Variants in L3MBTL4 observed in about 807,000 individuals in gnomAD.
L3MBTL4 encodes lethal(3)malignant brain tumor-like protein 4.
L3MBTL4 carries 70 observed loss-of-function variants against 84.5 expected under a neutral mutation model. The observed-to-expected ratio is 0.83, with a 90% CI of 0.68 to 1.01. L3MBTL4 has a LOEUF of 1.01. Ranked by LOEUF, L3MBTL4 falls within the 50% of genes least tolerant of loss-of-function variation. The pLI, the probability that L3MBTL4 is intolerant of heterozygous loss-of-function variation, is 0.00. For synonymous variants in L3MBTL4, 274 were observed against 259.8 expected (o/e 1.05, Z -0.52); for missense variants, 715 against 754.8 (o/e 0.95, Z 0.62).
At chr18:6,384,160 C>T (rs1013300176) in intron 1 of L3MBTL4, among the ~76,000 whole-genome samples, 4 of 152,138 alleles carry the variant, frequency 2.6e-5, no homozygotes, top group Admixed American at 6.6e-5. Context: ...CACTGCTGCC[C>T]TACTGTGCAG....
chr18:6,302,042 G>T, intron 3 of L3MBTL4, 85 bp from the exon 4 acceptor site: 1 of 1,111,600 alleles, frequency 9.0e-7, no homozygotes, highest in Non-Finnish European at 1.4e-6. Context: ...TTGCAGGAAG[G>T]AAAGTTATGA....
intron 4 of L3MBTL4, among the ~76,000 whole-genome samples, chr18:6,295,346 C>CTCTCTCTCTCTCTCTATATATATATA (rs1261475809): frequency 4.9e-5 from 4 of 81,378 alleles, no homozygotes; most frequent in African/African-American, 2.7e-4. Context: ...CTCTCTCTCT[C>CTCTCTCTCTCTCTCTATATATATATA]TATATATATA....
At chr18:6,328,716 C>T (rs1057333456) in intron 1 of L3MBTL4, among the ~76,000 whole-genome samples, 3 of 151,978 alleles carry the variant, frequency 2.0e-5, no homozygotes, top group Non-Finnish European at 2.9e-5. Flanking sequence ...AAACTAGTAC[C>T]ACGGAAACTT....
intron 13 of L3MBTL4, among the ~76,000 whole-genome samples, chr18:6,138,891 A>C (rs1043191230): frequency 2.0e-5 from 3 of 152,216 alleles, no homozygotes; most frequent in Non-Finnish European, 4.4e-5. Flanking sequence ...GAGATTAATA[A>C]TGGCAAAGAC....
intron 14 of L3MBTL4, among the ~76,000 whole-genome samples, chr18:6,102,973 C>G (rs1370219991): frequency 6.6e-6 from 1 of 152,158 alleles, no homozygotes; most frequent in Non-Finnish European, 1.5e-5. Context: ...TACCCTTCCT[C>G]TAGAATATCT....
chr18:6,224,951 A>G (rs966879748), intron 10 of L3MBTL4, among the ~76,000 whole-genome samples: 1 of 152,194 alleles, frequency 6.6e-6, no homozygotes, highest in Non-Finnish European at 1.5e-5. Context: ...CAAGGAAAAC[A>G]TAAAGTGAGG....
chr18:6,239,277 C>T (rs1216371837), intron 9 of L3MBTL4, among the ~76,000 whole-genome samples: 2 of 144,694 alleles, frequency 1.4e-5, no homozygotes, highest in South Asian at 2.2e-4. Flanking sequence ...GGAGGCGAAG[C>T]TTGCAGTGAG....
chr18:6,145,803 C>A (rs1342458956), intron 13 of L3MBTL4, among the ~76,000 whole-genome samples: 1 of 152,122 alleles, frequency 6.6e-6, no homozygotes, highest in Admixed American at 6.5e-5. Flanking sequence ...CGCTGCTGTT[C>A]CCTTTGCTAG....
At chr18:6,221,915 T>C (rs553536861) in intron 10 of L3MBTL4, among the ~76,000 whole-genome samples, 201 of 152,278 alleles carry the variant, frequency 1.3e-3, no homozygotes, top group African/African-American at 4.8e-3. Flanking sequence ...GTTCTGCACA[T>C]ACAGAAGGGC....
chr18:6,230,110 G>A (rs758255058), intron 10 of L3MBTL4, among the ~76,000 whole-genome samples: 7 of 152,074 alleles, frequency 4.6e-5, no homozygotes, highest in Non-Finnish European at 7.4e-5. Context: ...AGGCATACAT[G>A]TGCAGGTTTG....
chr18:6,218,162 C>T (rs139057123), intron 10 of L3MBTL4, among the ~76,000 whole-genome samples: 40 of 152,210 alleles, frequency 2.6e-4, no homozygotes, highest in African/African-American at 9.4e-4. Context: ...GGCTGGAATG[C>T]GGTGGCTCTT....
chr18:6,199,454 C>T (rs535094326), intron 12 of L3MBTL4, among the ~76,000 whole-genome samples: 21 of 152,312 alleles, frequency 1.4e-4, no homozygotes, highest in South Asian at 1.0e-3. Context: ...CAGAGAGATG[C>T]CATGTCCGTC....
chr18:6,171,457 CTT>C (rs1255494720), intron 13 of L3MBTL4, among the ~76,000 whole-genome samples: 1 of 151,948 alleles, frequency 6.6e-6, no homozygotes. Flanking sequence ...TTCCAAAAGA[CTT>C]TGTGTAGTCT....
chr18:6,029,701 G>T (rs538087005), intron 16 of L3MBTL4: 398 of 984,928 alleles, frequency 4.0e-4, no homozygotes, highest in Non-Finnish European at 4.6e-4. Flanking sequence ...GTTCACAAAG[G>T]GTAAAATTAA....
chr18:6,200,929 C>T (rs2045623745), intron 12 of L3MBTL4, among the ~76,000 whole-genome samples: 1 of 152,126 alleles, frequency 6.6e-6, no homozygotes, highest in East Asian at 1.9e-4. Flanking sequence ...CCTTAATAAA[C>T]AGTAATTTGC....
intron 14 of L3MBTL4, among the ~76,000 whole-genome samples, chr18:6,127,101 A>C (rs2059719531): frequency 6.6e-6 from 1 of 152,214 alleles, no homozygotes; most frequent in Non-Finnish European, 1.5e-5. Flanking sequence ...TTTTGAACAC[A>C]GTGTTTCAAT....
At chr18:6,174,092 G>A (rs1214724001) in intron 12 of L3MBTL4, among the ~76,000 whole-genome samples, 2 of 150,750 alleles carry the variant, frequency 1.3e-5, no homozygotes, top group Non-Finnish European at 2.9e-5. Flanking sequence ...TCAAGCCTTA[G>A]CCAGATGAAG....
intron 3 of L3MBTL4, among the ~76,000 whole-genome samples, chr18:6,304,526 A>G (rs550134206): frequency 2.6e-5 from 4 of 152,364 alleles, no homozygotes; most frequent in Non-Finnish European, 5.9e-5. Context: ...GCCTTAGATT[A>G]CAAATTCCAA....
intron 4 of L3MBTL4, 151 bp from the exon 5 acceptor site, chr18:6,264,189 A>G (rs1814056285): frequency 3.2e-6 from 2 of 621,346 alleles, no homozygotes; most frequent in Non-Finnish European, 5.7e-6. Context: ...CTCTCAATTC[A>G]TATGAACATT....
Sources: allele counts gnomAD v4.1 joint callset (sites outside exome capture counted in the v4.1 genomes callset), GRCh38; gene constraint gnomAD v4.1.1; transcripts MANE v1.5; gene names NCBI Gene and HGNC (gene_info 2026-07-23, HGNC 2026-07-21).